The following LRRTM4 variants were observed in gnomAD, a reference collection of about 807,000 sequenced individuals.
LRRTM4 encodes leucine rich repeat transmembrane neuronal 4, also known as leucine-rich repeat transmembrane neuronal protein 4.
Under a neutral mutation model 47.6 loss-of-function variants are expected in LRRTM4, and 25 were observed. The ratio of observed to expected loss-of-function variants is 0.53; its 90% CI spans 0.38 to 0.73. LRRTM4 has a LOEUF of 0.73. Ranked by LOEUF, LRRTM4 falls within the 30% of genes least tolerant of loss-of-function variation. The probability of loss-of-function intolerance (pLI) is 0.00; values close to 1 mark genes in which losing one functional copy is unlikely to be tolerated. For missense variants in LRRTM4, 638 were observed against 713.4 expected (o/e 0.89, Z 1.20); for synonymous variants, 311 against 269.5 (o/e 1.15, Z -1.51).
At chr2:77,386,495 C>T (rs911930045) in intron 3 of LRRTM4, among the ~76,000 whole-genome samples, 18 of 152,120 alleles carry the variant, frequency 1.2e-4, no homozygotes, top group African/African-American at 3.4e-4. Flanking sequence ...GTATGTGCCA[C>T]GTTTTCTTTA....
intron 3 of LRRTM4, among the ~76,000 whole-genome samples, chr2:76,960,050 C>T (rs1276659785): frequency 2.0e-5 from 3 of 151,450 alleles, no homozygotes; most frequent in East Asian, 2.0e-4. Context: ...AACGACTTTA[C>T]CAAACTTAGG....
At chr2:76,786,824 C>A (rs1482964856) in intron 3 of LRRTM4, among the ~76,000 whole-genome samples, 1 of 151,968 alleles carries the variant, frequency 6.6e-6, no homozygotes, top group African/African-American at 2.4e-5. Flanking sequence ...ACAGAAGGAA[C>A]TGGAATTTCA....
intron 3 of LRRTM4, among the ~76,000 whole-genome samples, chr2:76,867,176 T>C (rs1303299614): frequency 2.6e-5 from 4 of 152,174 alleles, no homozygotes; most frequent in Non-Finnish European, 4.4e-5. Flanking sequence ...ATGACACATA[T>C]ATACTTATGT....
chr2:77,208,803 A>T (rs899846562), intron 3 of LRRTM4, among the ~76,000 whole-genome samples: 1 of 152,174 alleles, frequency 6.6e-6, no homozygotes, highest in Admixed American at 6.5e-5. Context: ...GGAAGTGTTT[A>T]TAGGAGCTGG....
At chr2:77,044,668 C>T (rs1488390654) in intron 3 of LRRTM4, among the ~76,000 whole-genome samples, 2 of 151,296 alleles carry the variant, frequency 1.3e-5, no homozygotes, top group South Asian at 2.1e-4. Flanking sequence ...CACACACATA[C>T]ACATATACAC....
At chr2:77,274,040 G>GA (rs1156802347) in intron 3 of LRRTM4, among the ~76,000 whole-genome samples, 9 of 151,782 alleles carry the variant, frequency 5.9e-5, no homozygotes, top group African/African-American at 2.2e-4. Context: ...GATTACCCTG[G>GA]AATCCTTTAT....
intron 3 of LRRTM4, among the ~76,000 whole-genome samples, chr2:77,199,571 C>T (rs1160928028): frequency 6.6e-6 from 1 of 152,078 alleles, no homozygotes; most frequent in Non-Finnish European, 1.5e-5. Flanking sequence ...ATCTCTAGAT[C>T]TCACTTTCCA....
chr2:77,302,085 A>C (rs1486218861), intron 3 of LRRTM4, among the ~76,000 whole-genome samples: 1 of 152,200 alleles, frequency 6.6e-6, no homozygotes, highest in Non-Finnish European at 1.5e-5. Flanking sequence ...TTTTCCATGC[A>C]TCAGAAAAGC....
intron 3 of LRRTM4, among the ~76,000 whole-genome samples, chr2:77,203,200 T>C (rs1674027006): frequency 6.6e-6 from 1 of 151,916 alleles, no homozygotes; most frequent in Non-Finnish European, 1.5e-5. Context: ...TTTTACCCAA[T>C]TTCCTATGAG....
chr2:76,807,065 A>G (rs1347694277), intron 3 of LRRTM4, among the ~76,000 whole-genome samples: 1 of 152,084 alleles, frequency 6.6e-6, no homozygotes, highest in Non-Finnish European at 1.5e-5. Context: ...ATCAAATAAA[A>G]TAGGCTGCTT....
rs116491009 is a variant in LRRTM4, at chr2:76,756,071, C to T, written c.1552-7155G>A. Among the ~76,000 whole-genome samples the T allele has an allele frequency of 8.9e-3, 1,354 of 152,252 alleles. 19 individuals carry two copies. Among genetic ancestry groups the T allele is most frequent in the African/African-American group, 0.031 (1,304 of 41,526 alleles). ...AGGCAAGACCTAAGGCCATGCCAGG[C>T]AAGGATTAAGTCATGCACCCCTACA... On this transcript the variant is annotated intron_variant, in intron 3 of 3. Transcript: ENST00000409884.
intron 3 of LRRTM4, among the ~76,000 whole-genome samples, chr2:77,333,704 G>A (rs1229771216): frequency 2.0e-5 from 3 of 152,202 alleles, no homozygotes; most frequent in African/African-American, 7.2e-5. Context: ...ACTTCTGCTA[G>A]GGCAGTTCAA....
intron 3 of LRRTM4, among the ~76,000 whole-genome samples, chr2:77,055,305 A>G (rs1679565949): frequency 1.3e-5 from 2 of 152,208 alleles, no homozygotes; most frequent in South Asian, 4.1e-4. Context: ...GAACATGCCC[A>G]ACCTCTAGTA....
At chr2:76,984,125 T>C (rs1335394385) in intron 3 of LRRTM4, among the ~76,000 whole-genome samples, 1 of 151,884 alleles carries the variant, frequency 6.6e-6, no homozygotes, top group East Asian at 1.9e-4. Context: ...ATGTTAGTAA[T>C]TGCATTTTAA....
At chr2:77,304,233 C>T (rs1468627119) in intron 3 of LRRTM4, among the ~76,000 whole-genome samples, 2 of 152,086 alleles carry the variant, frequency 1.3e-5, no homozygotes, top group Non-Finnish European at 2.9e-5. Context: ...TACATGTTGG[C>T]CATTTGTATG....
intron 3 of LRRTM4, among the ~76,000 whole-genome samples, chr2:77,407,111 T>A (rs73942709): frequency 0.029 from 4,436 of 152,230 alleles, 214 homozygotes; most frequent in African/African-American, 0.1. Flanking sequence ...AGTAAATCCT[T>A]TCAAGGAAAC....
intron 3 of LRRTM4, among the ~76,000 whole-genome samples, chr2:76,792,716 C>T (rs116457386): frequency 1.4e-3 from 210 of 152,156 alleles, no homozygotes; most frequent in African/African-American, 5.0e-3. Flanking sequence ...GTGCCACTCT[C>T]CCTACTTCAG....
intron 3 of LRRTM4, among the ~76,000 whole-genome samples, chr2:77,047,741 G>A (rs1679282164): frequency 6.6e-6 from 1 of 151,996 alleles, no homozygotes; most frequent in African/African-American, 2.4e-5. Context: ...CACATTCTGA[G>A]GGACTGGGGA....
chr2:77,452,544 G>A (rs1175914050), intron 3 of LRRTM4, among the ~76,000 whole-genome samples: 1 of 152,202 alleles, frequency 6.6e-6, no homozygotes, highest in Non-Finnish European at 1.5e-5. Context: ...ACGTTAGGAG[G>A]CAGAGGAATG....
Sources: allele counts gnomAD v4.1 joint callset (sites outside exome capture counted in the v4.1 genomes callset), GRCh38; gene constraint gnomAD v4.1.1; transcripts MANE v1.5; gene names NCBI Gene and HGNC (gene_info 2026-07-23, HGNC 2026-07-21).